The following MDGA2 variants were observed in gnomAD, a reference collection of about 807,000 sequenced individuals.
MDGA2 encodes MAM domain containing glycosylphosphatidylinositol anchor 2.
Under a neutral mutation model 117.8 loss-of-function variants are expected in MDGA2, and 40 were observed. The ratio of observed to expected loss-of-function variants is 0.34; its 90% CI spans 0.26 to 0.44. The LOEUF is 0.44. MDGA2 is among the 20% of genes least tolerant of loss of function. The pLI is 1.00. For missense variants in MDGA2, 1,123 were observed against 1,250.6 expected (o/e 0.90, Z 1.54); for synonymous variants, 452 against 439.0 (o/e 1.03, Z -0.37).
intron 1 of MDGA2, among the ~76,000 whole-genome samples, chr14:47,624,244 G>C (rs945671602): frequency 6.6e-6 from 1 of 152,168 alleles, no homozygotes; most frequent in Non-Finnish European, 1.5e-5. Context: ...GATCACCTGA[G>C]GTCAGGAGTT....
rs201344908 is a variant in MDGA2, at chr14:47,588,259, T to C, written c.280+86258A>G. Among the ~76,000 whole-genome samples, 10 of 122,402 alleles carry C rather than the reference T, an allele frequency of 8.2e-5. No homozygotes were observed. The East Asian group carries it at 1.3e-3, about 16-fold the overall frequency. 80.3% of individuals were successfully genotyped at this position (122,402 alleles called of 152,430 possible). ...ATAGATATATATATATATATATATA[T>C]ATACACACACACACACACACACACA... On this transcript the variant is annotated intron_variant, in intron 1 of 16. Coordinates refer to ENST00000399232, the MANE Select transcript of MDGA2 (RefSeq NM_001113498.3).
chr14:47,273,004 G>A (rs151086617), intron 2 of MDGA2, among the ~76,000 whole-genome samples: 1 of 152,206 alleles, frequency 6.6e-6, no homozygotes, highest in East Asian at 1.9e-4. Context: ...GGAGCCTGAA[G>A]CAATCTTTGG....
chr14:47,247,482 T>C (rs1887283010), intron 2 of MDGA2, among the ~76,000 whole-genome samples: 1 of 151,286 alleles, frequency 6.6e-6, no homozygotes. Context: ...TTTGTAATTT[T>C]AGTAGAGTTG....
intron 7 of MDGA2, among the ~76,000 whole-genome samples, chr14:47,049,489 T>C (rs867700524): frequency 9.2e-5 from 14 of 152,094 alleles, no homozygotes; most frequent in African/African-American, 3.1e-4. Flanking sequence ...TAGTTTTTAT[T>C]TGTATAATTT....
intron 9 of MDGA2, among the ~76,000 whole-genome samples, chr14:46,954,749 C>T (rs150592609): frequency 6.6e-6 from 1 of 152,094 alleles, no homozygotes; most frequent in African/African-American, 2.4e-5. Context: ...AGTTAATATC[C>T]ACAGGTTCCA....
chr14:47,196,704 A>G (rs8016374), intron 3 of MDGA2, among the ~76,000 whole-genome samples: 62,888 of 151,990 alleles, frequency 0.41, 13,594 homozygotes, highest in African/African-American at 0.54. Context: ...AATATGTGTA[A>G]GTTTGTTACA....
intron 8 of MDGA2, among the ~76,000 whole-genome samples, chr14:47,015,007 T>G (rs1415764224): frequency 6.6e-6 from 1 of 152,118 alleles, no homozygotes; most frequent in Non-Finnish European, 1.5e-5. Flanking sequence ...CTTGAACACT[T>G]AGAAGACATT....
chr14:46,941,931 C>T (rs910741329), intron 9 of MDGA2, among the ~76,000 whole-genome samples: 1 of 152,182 alleles, frequency 6.6e-6, no homozygotes, highest in South Asian at 2.1e-4. Flanking sequence ...TTGTTCGAGA[C>T]TGATATCTCT....
At chr14:47,177,606 C>T (rs1237288547) in intron 3 of MDGA2, among the ~76,000 whole-genome samples, 1 of 152,018 alleles carries the variant, frequency 6.6e-6, no homozygotes, top group Non-Finnish European at 1.5e-5. Flanking sequence ...ACAATGAGAA[C>T]ACATGGACAC....
chr14:47,009,343 T>A lies in MDGA2; in HGVS notation c.1819+25668A>T, dbSNP rs190800401. On this transcript the variant is annotated intron_variant, in intron 8 of 16. Transcript: ENST00000399232. ...ATGCTATAGTTTCTCCTAAGATAAC[T>A]ATTATGAGAATAAAACATAAATGCA... Among the ~76,000 whole-genome samples, 280 of 152,224 alleles carry A rather than the reference T, an allele frequency of 1.8e-3. 1 individual carries two copies. Among genetic ancestry groups the A allele is most frequent in the African/African-American group, 6.4e-3 (267 of 41,558 alleles).
intron 1 of MDGA2, among the ~76,000 whole-genome samples, chr14:47,361,254 T>A (rs55674651): frequency 0.99 from 149,977 of 150,872 alleles, 74,554 homozygotes; most frequent in East Asian, 1. Context: ...AACACACAAA[T>A]AAACATCAGA....
chr14:47,650,387 A>G (rs1158049375), intron 1 of MDGA2, among the ~76,000 whole-genome samples: 1 of 152,166 alleles, frequency 6.6e-6, no homozygotes, highest in African/African-American at 2.4e-5. Context: ...AACATCTTTC[A>G]TTATAATTTT....
rs190052917 is a variant in MDGA2, at chr14:47,519,193, A to C, written c.280+155324T>G. Among the ~76,000 whole-genome samples, 11 of 152,330 alleles carry C rather than the reference A, an allele frequency of 7.2e-5. No homozygotes were observed. The East Asian group carries it at 1.9e-3, about 27-fold the overall frequency. On this transcript the variant is annotated intron_variant, in intron 1 of 16. Transcript: ENST00000399232. ...TTACTCCAGCTTGGGCGATAGAGCAAGACTCAGTCTCAAAAACAAAACAAA... is the reference window on the plus strand; with the variant it reads ...TTACTCCAGCTTGGGCGATAGAGCACGACTCAGTCTCAAAAACAAAACAAA...
chr14:46,882,261 T>C, intron 10 of MDGA2, 40 bp from the exon 11 acceptor site: 1 of 1,543,590 alleles, frequency 6.5e-7, no homozygotes, highest in Non-Finnish European at 8.8e-7. Flanking sequence ...TCCCAGTATG[T>C]TCTTCAGAGG....
At chr14:46,845,931 T>A in intron 15 of MDGA2, 60 bp from the exon 16 acceptor site, 4 of 1,236,340 alleles carry the variant, frequency 3.2e-6, no homozygotes, top group Non-Finnish European at 4.7e-6. Context: ...TCAGTTTCTC[T>A]TGAGAAATCA....
chr14:47,117,254 C>T (rs1017212899), intron 5 of MDGA2, among the ~76,000 whole-genome samples: 22 of 151,952 alleles, frequency 1.4e-4, no homozygotes, highest in Admixed American at 1.4e-3. Flanking sequence ...TAAAGAAAGA[C>T]GATAAGTGTC....
At chr14:47,643,745 T>C (rs60243501) in intron 1 of MDGA2, among the ~76,000 whole-genome samples, 13,649 of 152,222 alleles carry the variant, frequency 0.09, 650 homozygotes, top group Non-Finnish European at 0.11. Flanking sequence ...AAAATGTTTT[T>C]ACTTTTTCAT....
intron 6 of MDGA2, among the ~76,000 whole-genome samples, chr14:47,088,151 T>C (rs1890977612): frequency 6.6e-6 from 1 of 152,110 alleles, no homozygotes; most frequent in African/African-American, 2.4e-5. Flanking sequence ...TGAACAAGGA[T>C]AAGTTAGTTT....
At chr14:47,486,131 C>T (rs1200936888) in intron 1 of MDGA2, among the ~76,000 whole-genome samples, 2 of 152,132 alleles carry the variant, frequency 1.3e-5, no homozygotes, top group Non-Finnish European at 2.9e-5. Context: ...GTGAAAGCAG[C>T]CAGGAGGGAG....
Sources: gnomAD v4.1 joint callset for allele counts (sites outside exome capture counted in the v4.1 genomes callset) on GRCh38, gnomAD v4.1.1 for gene constraint, MANE v1.5 for transcripts, NCBI Gene and HGNC (gene_info 2026-07-23, HGNC 2026-07-21) for gene names.